Variants in SIRT5 observed in about 807,000 individuals in gnomAD.
The protein encoded by SIRT5 is sirtuin 5, also known as NAD-dependent protein deacylase sirtuin-5, mitochondrial.
SIRT5 carries 26 observed loss-of-function variants against 40.0 expected under a neutral mutation model. That is an observed-to-expected ratio of 0.65 (90% CI 0.48 to 0.90). SIRT5 has a LOEUF of 0.90. Ranked by LOEUF, SIRT5 falls within the 40% of genes least tolerant of loss-of-function variation. The pLI is 0.00. For synonymous variants in SIRT5, 146 were observed against 149.1 expected (o/e 0.98, Z 0.15); for missense variants, 401 against 402.4 (o/e 1.00, Z 0.03).
At chr6:13,574,572 A>AC (rs1413771287), upstream of SIRT5, 1 of 151,194 alleles carries the variant, frequency 6.6e-6, no homozygotes, top group African/African-American at 2.4e-5. Context: ...GGAGGGAGGC[A>AC]CCCCGGGGGG....
rs767734150 is a variant in SIRT5, at chr6:13,595,563, G to A, written c.562G>A (p.Gly188Ser). The A allele has an allele frequency of 6.2e-7, 1 of 1,608,088 alleles. No individual in the cohort carries two copies. Residue 188 changes from glycine to serine, a missense_variant and splice_region_variant, in exon 6 of 10, where the codon GGT becomes AGT. Transcript: ENST00000606117. Reference sequence around the variant, plus strand: ...AATTTGTCCAGCTTTATCAGGAAAAGGGTAATTATACCACACTACAGAATA... The same window carrying A: ...AATTTGTCCAGCTTTATCAGGAAAAAGGTAATTATACCACACTACAGAATA... The part of the protein sequence containing the change: ...SPICPALSGK[G>S]APEPGTQDAS...
intron 2 of SIRT5, among the ~76,000 whole-genome samples, chr6:13,582,268 A>T (rs1460332977): frequency 6.6e-6 from 1 of 152,158 alleles, no homozygotes; most frequent in African/African-American, 2.4e-5. Flanking sequence ...TTTCTTGTGA[A>T]TTCTTTTTTT....
At chr6:13,611,051 A>G (rs1224535435) in intron 9 of SIRT5, among the ~76,000 whole-genome samples, 3 of 151,190 alleles carry the variant, frequency 2.0e-5, no homozygotes, top group African/African-American at 7.3e-5. Context: ...CTTTTTTCTA[A>G]CTACACCTCA....
rs1049666098 is a variant in SIRT5 at position 13,613,436 on chromosome 6, G to A, written c.*1571G>A. ...CTGGGAGGCATGGCCATTATCAACA[G>A]TGTATGAAGGTCACATATGGCTCCC... On this transcript the variant is annotated 3_prime_UTR_variant, in exon 10 of 10. Coordinates refer to ENST00000606117, the MANE Select transcript of SIRT5 (RefSeq NM_012241.5). The A allele has an allele frequency of 2.6e-5, 4 of 152,216 alleles. No homozygotes were observed. The highest frequency in any genetic ancestry group is 7.2e-5 in the African/African-American group (3 of 41,450). 9.4% of individuals were successfully genotyped at this position (152,216 alleles called of 1,614,324 possible).
chr6:13,575,944 A>G (rs1584722834), intron 1 of SIRT5, among the ~76,000 whole-genome samples: 1 of 152,158 alleles, frequency 6.6e-6, no homozygotes, highest in Admixed American at 6.5e-5. Context: ...ACTTGGCCTC[A>G]TGTCCTCCAG....
At chr6:13,598,432 G>A (rs1022566951) in intron 7 of SIRT5, among the ~76,000 whole-genome samples, 1 of 152,146 alleles carries the variant, frequency 6.6e-6, no homozygotes, top group African/African-American at 2.4e-5. Flanking sequence ...TGTCTCCCAG[G>A]TCTGGGTGGC....
intron 1 of SIRT5, among the ~76,000 whole-genome samples, chr6:13,576,763 T>C (rs975698459): frequency 1.3e-5 from 2 of 152,236 alleles, no homozygotes; most frequent in African/African-American, 2.4e-5. Context: ...TGTTATCTTC[T>C]ATTAGTTTTA....
At chr6:13,603,006 G>A (rs1012792288) in intron 9 of SIRT5, among the ~76,000 whole-genome samples, 12 of 152,064 alleles carry the variant, frequency 7.9e-5, no homozygotes, top group Non-Finnish European at 1.2e-4. Context: ...GGCCGGGTGC[G>A]GTGGCTCACG....
intron 1 of SIRT5, among the ~76,000 whole-genome samples, chr6:13,575,093 G>A (rs1367610130): frequency 1.3e-5 from 2 of 152,136 alleles, no homozygotes; most frequent in African/African-American, 4.8e-5. Context: ...AGTAGTAGCC[G>A]GGAGGATGAA....
At position 13,584,154 on chromosome 6, in the gene SIRT5, T is replaced by A; in HGVS notation, c.44T>A (p.Leu15Gln). ...GTCCCAAGTCGATTGATTTCCCAGCTATATTGTGGCCTGAAGCCTCCAGCG... is the reference window on the plus strand; with the variant it reads ...GTCCCAAGTCGATTGATTTCCCAGCAATATTGTGGCCTGAAGCCTCCAGCG... The part of the protein sequence containing the change: ...QIVPSRLISQ[L>Q]YCGLKPPAST... The change falls in exon 3 of 10, where the codon CTA becomes CAA. Residue 15 changes from leucine (L) to glutamine (Q), a missense_variant. Transcript: ENST00000606117. 1 of 1,614,188 alleles carries A rather than the reference T, an allele frequency of 6.2e-7. No homozygotes were observed. Among genetic ancestry groups the A allele is most frequent in the Non-Finnish European group, 8.5e-7 (1 of 1,180,032 alleles).
chr6:13,582,114 G>A (rs998685929), intron 2 of SIRT5, among the ~76,000 whole-genome samples: 1 of 152,058 alleles, frequency 6.6e-6, no homozygotes. Flanking sequence ...TCTATCTCTC[G>A]CAACTTGCTC....
chr6:13,595,015 G>A (rs1024134596), intron 5 of SIRT5, among the ~76,000 whole-genome samples: 1 of 152,152 alleles, frequency 6.6e-6, no homozygotes, highest in Non-Finnish European at 1.5e-5. Context: ...TTAGATTTAG[G>A]TTGAGCTCCC....
At chr6:13,574,324 C>T (rs992467397), upstream of SIRT5, among the ~76,000 whole-genome samples, 20 of 152,228 alleles carry the variant, frequency 1.3e-4, no homozygotes, top group African/African-American at 3.6e-4. Flanking sequence ...TCTGCCTGCG[C>T]CGGGCCGGGG....
At chr6:13,577,565 T>C (rs1758785951) in intron 1 of SIRT5, among the ~76,000 whole-genome samples, 1 of 151,152 alleles carries the variant, frequency 6.6e-6, no homozygotes, top group Admixed American at 6.6e-5. Flanking sequence ...ATTCTGTATA[T>C]AAAATCATAT....
chr6:13,578,784 G>GC (rs1422914226), intron 1 of SIRT5, among the ~76,000 whole-genome samples: 2 of 151,704 alleles, frequency 1.3e-5, no homozygotes, highest in African/African-American at 4.8e-5. Context: ...TTGGTAGGGT[G>GC]CCCCCCTTTT....
rs77285183 is a variant in SIRT5 at position 13,590,000 on chromosome 6, A to G, written c.249+1536A>G. 6.7e-3 allele frequency among the ~76,000 whole-genome samples: 1,014 copies of G among 152,060 alleles called. 15 individuals carry two copies. Among genetic ancestry groups the G allele is most frequent in the African/African-American group, 0.023 (965 of 41,454 alleles). On this transcript the variant is annotated intron_variant, in intron 4 of 9. Coordinates refer to ENST00000606117, the MANE Select transcript of SIRT5 (RefSeq NM_012241.5). The stretch of plus-strand genomic sequence containing the variant: ...TGAAGAGCAGGGTCGGTGTGGGTCA[A>G]CCTCTCACGTGGCAAAGGCTGGCAT...
chr6:13,580,808 A>G (rs1759251639), intron 2 of SIRT5, among the ~76,000 whole-genome samples: 1 of 152,138 alleles, frequency 6.6e-6, no homozygotes, highest in South Asian at 2.1e-4. Context: ...AGCTGGGACC[A>G]TAGGCATGCA....
chr6:13,605,246 C>T, intron 9 of SIRT5: 1 of 891,480 alleles, frequency 1.1e-6, no homozygotes, highest in Middle Eastern at 5.7e-4. Flanking sequence ...CATTGGAACA[C>T]AGCTGTGGCC....
intron 1 of SIRT5, among the ~76,000 whole-genome samples, chr6:13,578,892 A>G (rs1758985680): frequency 6.6e-6 from 1 of 152,160 alleles, no homozygotes; most frequent in African/African-American, 2.4e-5. Context: ...ATTAATGTCA[A>G]TTTATAAGAA....
Sources: allele counts gnomAD v4.1 joint callset (sites outside exome capture counted in the v4.1 genomes callset), GRCh38; gene constraint gnomAD v4.1.1; transcripts MANE v1.5; gene names NCBI Gene and HGNC (gene_info 2026-07-23, HGNC 2026-07-21).